KDM3B: variants seen among roughly 807,000 people sequenced by gnomAD.
KDM3B encodes lysine-specific demethylase 3B.
In KDM3B, 10 loss-of-function variants were observed where a neutral mutation model predicts 170.0. That is an observed-to-expected ratio of 0.06 (90% CI 0.04 to 0.10). The LOEUF is 0.10. Among genes scored for constraint, KDM3B ranks in the 10% least tolerant of loss-of-function variants. The pLI is 1.00. For missense variants in KDM3B, 1,394 were observed against 2,195.2 expected (o/e 0.64, Z 7.29); for synonymous variants, 831 against 834.8 (o/e 1.00, Z 0.08).
At chr5:138,431,925 A>C (rs897753249) in intron 23 of KDM3B, among the ~76,000 whole-genome samples, 2 of 151,706 alleles carry the variant, frequency 1.3e-5, no homozygotes, top group African/African-American at 2.4e-5. Context: ...AAAAAAAAAA[A>C]CAAAAAACAG....
rs1200441733 is a variant in KDM3B at position 138,391,992 on chromosome 5, A to T, written c.2360A>T (p.Asn787Ile). The T allele has an allele frequency of 6.2e-7, 1 of 1,613,936 alleles. No homozygotes were observed. Among genetic ancestry groups the T allele is most frequent in the Non-Finnish European group, 8.5e-7 (1 of 1,179,762 alleles). Reference sequence around the variant, plus strand: ...TCCCCGGCAGATTTTTCACAGGAGAACAAAGCTCCTTTTGAAGCTGTGAAA... The same window carrying T: ...TCCCCGGCAGATTTTTCACAGGAGATCAAAGCTCCTTTTGAAGCTGTGAAA... ...LSSPADFSQE[N>I]KAPFEAVKRF... The change falls in exon 8 of 24, where the codon AAC becomes ATC. Residue 787 changes from asparagine to isoleucine, a missense_variant. Around this residue, in one of 19 missense-constraint regions of KDM3B, gnomAD observed 84 missense variants for 135.8 expected, o/e 0.62. Coordinates refer to ENST00000314358, the MANE Select transcript of KDM3B (RefSeq NM_016604.4). This position sits in a 1 kb window ranked among gnomAD's most constrained non-coding sequence, Gnocchi z 5.0.
chr5:138,408,907 AT>A (rs1762892725), intron 11 of KDM3B, among the ~76,000 whole-genome samples: 1 of 152,150 alleles, frequency 6.6e-6, no homozygotes, highest in Non-Finnish European at 1.5e-5. Context: ...AATGTTAACA[AT>A]TTTTTGTGCC....
Position 138,399,927 on chromosome 5 carries a change from C to T in KDM3B, c.3114C>T (p.Leu1038=), listed in dbSNP as rs1348524014. The T allele has an allele frequency of 6.2e-7, 1 of 1,614,212 alleles. No individual in the cohort carries two copies. Among genetic ancestry groups the T allele is most frequent in the South Asian group, 1.1e-5 (1 of 91,088 alleles). Residue 1038 remains leucine (L), a synonymous_variant, in exon 11 of 24, where the codon CTC becomes CTT. Coordinates refer to ENST00000314358, the MANE Select transcript of KDM3B (RefSeq NM_016604.4). Reference sequence around the variant, plus strand: ...TGTGTGATGTGTGTGAAACAACTCTCTTCAACATCCACTGGGTTTGTCGCA... The same window carrying T: ...TGTGTGATGTGTGTGAAACAACTCTTTTCAACATCCACTGGGTTTGTCGCA... ...REMCDVCETT[L]FNIHWVCRKC... is the part of the protein sequence containing the mutation.
In KDM3B at chr5:138,426,227, G is replaced by C. The variant is rs539878711; in HGVS notation, c.4411+645G>C. Reference sequence around the variant, plus strand: ...GACACACACTAAAGTAGCAAGTGAGGAAAACAAAGCCCACCTTGTCCATTA... The same window carrying C: ...GACACACACTAAAGTAGCAAGTGAGCAAAACAAAGCCCACCTTGTCCATTA... On this transcript the variant is annotated intron_variant, in intron 17 of 23. Transcript: ENST00000314358. 1.3e-3 allele frequency among the ~76,000 whole-genome samples: 204 copies of C among 152,174 alleles called. 1 individual carries two copies. Among genetic ancestry groups the C allele is most frequent in the African/African-American group, 4.5e-3 (187 of 41,520 alleles).
At chr5:138,425,785 C>T in intron 17 of KDM3B, 1 of 453,806 alleles carries the variant, frequency 2.2e-6, no homozygotes, top group Non-Finnish European at 3.9e-6. Flanking sequence ...ATGTGTGGAT[C>T]ACTTGGGGTC....
chr5:138,417,211 T>C (rs528079558), intron 12 of KDM3B, among the ~76,000 whole-genome samples: 2 of 152,288 alleles, frequency 1.3e-5, no homozygotes, highest in South Asian at 4.1e-4. Flanking sequence ...GGGAAAGGGG[T>C]GTAGCTTAGT....
In KDM3B at chr5:138,419,728, T is replaced by TACACACACACACACACAC. The variant is rs144047213; in HGVS notation, c.3715+518_3715+535dup. 5.2e-4 allele frequency among the ~76,000 whole-genome samples: 63 copies of TACACACACACACACACAC among 122,170 alleles called. 1 individual carries two copies. The highest frequency in any genetic ancestry group is 8.9e-4 in the African/African-American group (27 of 30,354). The allele number at this position is 122,170 out of a possible 152,430, so 80.1% of individuals were successfully genotyped here. A position where few individuals can be genotyped will look rare whatever the true frequency, so the allele number is the denominator to read the frequency against. The stretch of plus-strand genomic sequence containing the variant: ...ACACACACATATATATACACACACA[T>TACACACACACACACACAC]ACACACACACACACACACACACACA... On this transcript the variant is annotated intron_variant, in intron 14 of 23. Transcript: ENST00000314358.
intron 23 of KDM3B, among the ~76,000 whole-genome samples, chr5:138,432,230 A>T (rs907184176): frequency 1.3e-5 from 2 of 152,234 alleles, no homozygotes; most frequent in Non-Finnish European, 2.9e-5. Context: ...GCTGCTTCTC[A>T]TAGCAGATTT....
intron 10 of KDM3B, among the ~76,000 whole-genome samples, chr5:138,398,887 CTTTTTTTTT>C (rs537795731): frequency 8.3e-6 from 1 of 120,178 alleles, no homozygotes. Flanking sequence ...TCCTAAATTT[CTTTTTTTTT>C]TTTTTTTTTT....
chr5:138,378,199 T>C (rs1385633140), intron 4 of KDM3B, among the ~76,000 whole-genome samples: 1 of 152,208 alleles, frequency 6.6e-6, no homozygotes, highest in Non-Finnish European at 1.5e-5. Context: ...CATTTCATAA[T>C]ATACAGTTTT....
chr5:138,405,762 TAAC>T (rs1351447288), intron 11 of KDM3B, among the ~76,000 whole-genome samples: 1 of 152,196 alleles, frequency 6.6e-6, no homozygotes, highest in African/African-American at 2.4e-5. Context: ...GCAAAAATAG[TAAC>T]AATATATTTT....
chr5:138,417,703 G>A, intron 13 of KDM3B, 93 bp downstream of exon 13: 3 of 1,323,900 alleles, frequency 2.3e-6, no homozygotes, highest in Non-Finnish European at 3.2e-6. Flanking sequence ...CCAGGCTACT[G>A]TAGGATTCCT....
chr5:138,381,156 G>A (rs1228884525), intron 5 of KDM3B, among the ~76,000 whole-genome samples: 3 of 152,122 alleles, frequency 2.0e-5, no homozygotes, highest in South Asian at 4.1e-4. Context: ...TTACAGATGT[G>A]AACCACCGCA....
intron 15 of KDM3B, among the ~76,000 whole-genome samples, chr5:138,421,614 C>T (rs1488410276): frequency 1.3e-5 from 2 of 152,170 alleles, no homozygotes; most frequent in African/African-American, 2.4e-5. Flanking sequence ...CTGCCCTTTA[C>T]AGTCTACAGT....
Position 138,420,772 on chromosome 5 carries a change from A to G in KDM3B, c.3782A>G (p.Asn1261Ser). 1.2e-6 allele frequency: 2 copies of G among 1,613,942 alleles called. No homozygotes were observed. The highest frequency in any genetic ancestry group is 1.7e-6 in the Non-Finnish European group (2 of 1,180,008). The change falls in exon 15 of 24, where the codon AAC (asparagine) becomes AGC (serine). Residue 1261 changes from asparagine to serine, a missense_variant. Physicochemically the swap from Asn to Ser is conservative, Grantham distance 46. Around this residue, in one of 19 missense-constraint regions of KDM3B, gnomAD observed 137 missense variants for 166.9 expected, o/e 0.82. Transcript: ENST00000314358. ...SHSPFGLDSF[N>S]STAKVSPLTP... ...TCACCCTTTGGGCTGGACTCGTTCAACTCCACTGCAAAGGTCTCTCCGCTG... is the reference window on the plus strand; with the variant it reads ...TCACCCTTTGGGCTGGACTCGTTCAGCTCCACTGCAAAGGTCTCTCCGCTG...
chr5:138,354,479 G>A (rs1471180000), intron 1 of KDM3B, among the ~76,000 whole-genome samples: 2 of 152,162 alleles, frequency 1.3e-5, no homozygotes, highest in Non-Finnish European at 2.9e-5. Flanking sequence ...TTGACCGAAG[G>A]CCTACTTTGC....
At chr5:138,373,304 C>T (rs1299129612) in intron 2 of KDM3B, among the ~76,000 whole-genome samples, 1 of 152,016 alleles carries the variant, frequency 6.6e-6, no homozygotes, top group Non-Finnish European at 1.5e-5. Flanking sequence ...TGTGCCACTG[C>T]ATCCAGCCTG....
rs758172611 is a variant in KDM3B, at chr5:138,398,197, G to A, written c.2851G>A (p.Gly951Arg). ...TCTCAGGTTGATCTTCACTCGAAAAGGGGTACTCCGTGTGGAGGGGTTTTT... is the reference window on the plus strand; with the variant it reads ...TCTCAGGTTGATCTTCACTCGAAAAAGGGTACTCCGTGTGGAGGGGTTTTT... ...HFRRLIFTRK[G>R]VLRVEGFLSP... is the part of the protein sequence containing the mutation. Residue 951 changes from glycine to arginine, a missense_variant, in exon 10 of 24, where the codon GGG becomes AGG. By Grantham distance (125) the Gly-to-Arg change is moderately radical. Transcript: ENST00000314358. The A allele has an allele frequency of 6.2e-7, 1 of 1,613,406 alleles. No individual in the cohort carries two copies. Among genetic ancestry groups the A allele is most frequent in the Non-Finnish European group, 8.5e-7 (1 of 1,179,604 alleles).
intron 11 of KDM3B, among the ~76,000 whole-genome samples, chr5:138,407,743 G>A (rs1009097779): frequency 1.3e-5 from 2 of 152,098 alleles, no homozygotes; most frequent in African/African-American, 2.4e-5. Flanking sequence ...CCTTTCTTCC[G>A]AGGACTCTTA....
Sources: allele counts gnomAD v4.1 joint callset (sites outside exome capture counted in the v4.1 genomes callset), GRCh38; gene constraint gnomAD v4.1.1; regional missense constraint gnomAD v4.1.1; non-coding constraint Gnocchi (gnomAD v3.1); transcripts MANE v1.5; gene names NCBI Gene and HGNC (gene_info 2026-07-23, HGNC 2026-07-21).